The following ROBO1 variants were observed in gnomAD, a reference collection of about 807,000 sequenced individuals.
ROBO1 encodes the protein roundabout guidance receptor 1.
A neutral mutation model predicts 195.9 loss-of-function variants in ROBO1; 149 were observed. The observed-to-expected ratio is 0.76, with a 90% CI of 0.67 to 0.87. The LOEUF (loss-of-function observed/expected upper bound fraction) is 0.87, where lower values mean the gene tolerates loss of function less well. Ranked by LOEUF, ROBO1 falls within the 40% of genes least tolerant of loss-of-function variation. The pLI is 0.00. For synonymous variants in ROBO1, 816 were observed against 733.2 expected (o/e 1.11, Z -1.82); for missense variants, 1,933 against 2,068.3 (o/e 0.93, Z 1.27).
intron 2 of ROBO1, among the ~76,000 whole-genome samples, chr3:79,378,176 T>TCTCA (rs1393045718): frequency 2.0e-5 from 3 of 151,496 alleles, no homozygotes; most frequent in South Asian, 2.1e-4. Context: ...TCTCTCTCTC[T>TCTCA]CACTATCACA....
intron 1 of ROBO1, among the ~76,000 whole-genome samples, chr3:79,645,606 A>C (rs1945797222): frequency 6.6e-6 from 1 of 152,162 alleles, no homozygotes; most frequent in Admixed American, 6.5e-5. Context: ...CATTCTTCAC[A>C]GAAATAGAAA....
chr3:78,718,676 T>C (rs950511411), intron 5 of ROBO1, among the ~76,000 whole-genome samples: 4 of 151,980 alleles, frequency 2.6e-5, no homozygotes, highest in Non-Finnish European at 5.9e-5. Context: ...CAATTACCCA[T>C]GAATATCTAC....
At chr3:78,915,747 C>T (rs1225213533) in intron 4 of ROBO1, among the ~76,000 whole-genome samples, 4 of 152,036 alleles carry the variant, frequency 2.6e-5, no homozygotes, top group Admixed American at 6.6e-5. Context: ...ATGATCACAG[C>T]TCCCTGCAGC....
intron 8 of ROBO1, chr3:78,693,086 GAAGA>G: frequency 2.5e-6 from 1 of 398,692 alleles, no homozygotes; most frequent in Non-Finnish European, 4.5e-6. Context: ...TTTCAGGAGA[GAAGA>G]AATAAAAGGA....
At chr3:79,664,631 G>A (rs1253341582) in intron 1 of ROBO1, among the ~76,000 whole-genome samples, 2 of 152,010 alleles carry the variant, frequency 1.3e-5, no homozygotes, top group Admixed American at 1.3e-4. Context: ...CTCTCTCAGA[G>A]CACGTCCTGT....
chr3:78,717,477 G>A (rs2081931170), intron 6 of ROBO1, 64 bp from the exon 7 acceptor site: 14 of 1,392,102 alleles, frequency 1.0e-5, no homozygotes, highest in Non-Finnish European at 1.3e-5. Context: ...AAACACTTTA[G>A]GAGTTCAGTA....
In ROBO1 at chr3:78,652,022, G is replaced by T. The variant is rs997260028; in HGVS notation, c.2615-93C>A. ...GCTGCCATTACTTTGTTAATTTCTG[G>T]ATAATGATTTCTGTTTTTCCTCTCA... is the stretch of plus-strand genomic sequence containing the variant. On this transcript the variant is annotated intron_variant, in intron 18 of 30. Coordinates refer to ENST00000464233, the MANE Select transcript of ROBO1 (RefSeq NM_002941.4). 6.0e-6 allele frequency: 6 copies of T among 992,100 alleles called. No homozygotes were observed. In the South Asian group the frequency reaches 6.4e-5, roughly 11 times the overall value. 61.5% of individuals were successfully genotyped at this position (992,100 alleles called of 1,614,324 possible).
intron 2 of ROBO1, among the ~76,000 whole-genome samples, chr3:79,319,917 G>A (rs959635118): frequency 6.6e-6 from 1 of 152,078 alleles, no homozygotes; most frequent in Admixed American, 6.5e-5. Flanking sequence ...TTCTAATAAT[G>A]CTGTAAGGTA....
chr3:79,658,891 C>T (rs1216892238), intron 1 of ROBO1, among the ~76,000 whole-genome samples: 1 of 151,856 alleles, frequency 6.6e-6, no homozygotes, highest in Non-Finnish European at 1.5e-5. Context: ...CATGTGCCAG[C>T]ATGTCCGGCT....
At chr3:79,565,617 A>T (rs1320243296) in intron 2 of ROBO1, among the ~76,000 whole-genome samples, 1 of 152,042 alleles carries the variant, frequency 6.6e-6, no homozygotes, top group African/African-American at 2.4e-5. Context: ...ATATAGCAAA[A>T]TAGGAAAGAA....
chr3:79,572,866 A>G (rs780988978), intron 2 of ROBO1, among the ~76,000 whole-genome samples: 1 of 152,126 alleles, frequency 6.6e-6, no homozygotes, highest in Non-Finnish European at 1.5e-5. Context: ...ATCACACTGC[A>G]TAGACCATGT....
intron 8 of ROBO1, among the ~76,000 whole-genome samples, chr3:78,696,716 G>GTATATATACACA (rs2081303847): frequency 1.4e-5 from 2 of 138,532 alleles, no homozygotes; most frequent in Non-Finnish European, 3.1e-5. Flanking sequence ...ATATATACAC[G>GTATATATACACA]TATATATACA....
At chr3:79,461,412 C>T (rs1235685039) in intron 2 of ROBO1, among the ~76,000 whole-genome samples, 1 of 152,082 alleles carries the variant, frequency 6.6e-6, no homozygotes, top group African/African-American at 2.4e-5. Flanking sequence ...TGAGGGATTA[C>T]AAGAAGTGGC....
chr3:79,266,312 A>C (rs2029940712), intron 2 of ROBO1, among the ~76,000 whole-genome samples: 1 of 151,660 alleles, frequency 6.6e-6, no homozygotes, highest in African/African-American at 2.4e-5. Flanking sequence ...ATTTATTTAT[A>C]CAAAGACTAA....
At chr3:78,838,391 G>T (rs2032918528) in intron 4 of ROBO1, among the ~76,000 whole-genome samples, 1 of 152,144 alleles carries the variant, frequency 6.6e-6, no homozygotes, top group Non-Finnish European at 1.5e-5. Context: ...TCTTTGTTTT[G>T]TGTTGCTATA....
rs117159116 is a variant in ROBO1, at chr3:79,439,394, C to A, written c.88+150430G>T. Among the ~76,000 whole-genome samples the A allele has an allele frequency of 2.7e-3, 418 of 152,154 alleles. 10 individuals are homozygous for A. The East Asian group carries it at 0.068, about 25-fold the overall frequency. On this transcript the variant is annotated intron_variant, in intron 2 of 30. Coordinates refer to ENST00000464233, the MANE Select transcript of ROBO1 (RefSeq NM_002941.4). The stretch of plus-strand genomic sequence containing the variant: ...TTTTGGCATAAAATTTACATTTCCC[C>A]AACCATCTCAAGACAAAAGTAATTT...
At chr3:79,445,114 C>T (rs974798622) in intron 2 of ROBO1, among the ~76,000 whole-genome samples, 5 of 151,860 alleles carry the variant, frequency 3.3e-5, no homozygotes, top group African/African-American at 1.2e-4. Flanking sequence ...CAGTTGTATC[C>T]TCTTTGTCTC....
intron 2 of ROBO1, among the ~76,000 whole-genome samples, chr3:79,392,319 A>C (rs951991116): frequency 1.3e-5 from 2 of 152,230 alleles, no homozygotes; most frequent in Admixed American, 6.5e-5. Context: ...TTTGAAGATT[A>C]AAGCTTGCAG....
Position 78,636,103 on chromosome 3 carries a change from A to C in ROBO1, c.3043T>G (p.Cys1015Gly). ...AGTTGGTTGTTATAATTTGCTATAC[A>C]ATCAGCTATGTGCAATGGAGAGGAA... ...NLTTYSRPAD[C>G]IANYNNQLDN... Residue 1015 changes from cysteine to glycine, a missense_variant, in exon 23 of 31, where the codon TGT (cysteine) becomes GGT (glycine). By Grantham distance (159) the Cys-to-Gly change is radical (BLOSUM62 -3). This residue lies in a region of ROBO1 where 1,737 missense variants were observed against 1,882.5 expected (regional missense o/e 0.92). Transcript: ENST00000464233. The C allele has an allele frequency of 1.9e-6, 3 of 1,608,848 alleles. No homozygotes were observed. Among genetic ancestry groups the C allele is most frequent in the Non-Finnish European group, 2.6e-6 (3 of 1,176,096 alleles).
Sources: gnomAD v4.1 joint callset for allele counts (sites outside exome capture counted in the v4.1 genomes callset) on GRCh38, gnomAD v4.1.1 for gene constraint, gnomAD v4.1.1 regional missense constraint, MANE v1.5 for transcripts, NCBI Gene and HGNC (gene_info 2026-07-23, HGNC 2026-07-21) for gene names.